ITGA11: variants seen among roughly 807,000 people sequenced by gnomAD.
ITGA11 encodes the protein integrin alpha-11.
A neutral mutation model predicts 141.9 loss-of-function variants in ITGA11; 97 were observed. The observed-to-expected ratio is 0.68, with a 90% CI of 0.58 to 0.81. The LOEUF (loss-of-function observed/expected upper bound fraction) is 0.81. Ranked by LOEUF, ITGA11 falls within the 30% of genes least tolerant of loss-of-function variation. The pLI, the probability that ITGA11 is intolerant of heterozygous loss-of-function variation, is 0.00. For synonymous variants in ITGA11, 658 were observed against 624.6 expected, an observed-to-expected ratio of 1.05 and a Z score of -0.80; for missense variants, 1,387 against 1,559.2, an observed-to-expected ratio of 0.89 and a Z score of 1.86.
chr15:68,429,568 G>T (rs2140447963), intron 1 of ITGA11, among the ~76,000 whole-genome samples: 1 of 152,202 alleles, frequency 6.6e-6, no homozygotes. Flanking sequence ...CCTCAACTTG[G>T]CCTCTGACAG....
chr15:68,369,341 A>G, intron 2 of ITGA11, 57 bp from the exon 3 acceptor site: 1 of 867,846 alleles, frequency 1.2e-6, no homozygotes, highest in Non-Finnish European at 1.6e-6. Flanking sequence ...TTCCTGGCAG[A>G]GGATGGAGCC....
Position 68,300,423 on chromosome 15 carries a change from A to T in ITGA11, c.*2636T>A, listed in dbSNP as rs1158626564. On this transcript the variant is annotated 3_prime_UTR_variant, in exon 30 of 30. Transcript: ENST00000315757. ...CCCTCTCCCAACCAATGAAATTGGGATCCATAGTGGGTAGGGCCCTTGCAG... is the reference window on the plus strand; with the variant it reads ...CCCTCTCCCAACCAATGAAATTGGGTTCCATAGTGGGTAGGGCCCTTGCAG... 1.3e-5 allele frequency: 2 copies of T among 152,238 alleles called. No homozygotes were observed. The highest frequency in any genetic ancestry group is 2.4e-5 in the African/African-American group (1 of 41,454). The allele number at this position is 152,238 out of a possible 1,614,324, so 9.4% of individuals were successfully genotyped here.
rs1894230958 is a variant in ITGA11 at position 68,333,135 on chromosome 15, C to T, written c.1426-657G>A. ...TTTTTTTTGAGGCAAGGTTTTGCTC[C>T]ATCACCCAGACTGGAGTGCAATGGT... is the stretch of plus-strand genomic sequence containing the variant. On this transcript the variant is annotated intron_variant, in intron 12 of 29. Coordinates refer to ENST00000315757, the MANE Select transcript of ITGA11 (RefSeq NM_001004439.2). The surrounding 1 kb of genome is among the most constrained non-coding windows in gnomAD (Gnocchi z 4.2). Among the ~76,000 whole-genome samples, 1 of 149,886 alleles carries T rather than the reference C, an allele frequency of 6.7e-6. No homozygotes were observed. The highest frequency in any genetic ancestry group is 2.1e-4 in the South Asian group (1 of 4,760).
At chr15:68,390,949 G>A (rs1380092569) in intron 2 of ITGA11, among the ~76,000 whole-genome samples, 1 of 152,164 alleles carries the variant, frequency 6.6e-6, no homozygotes, top group Non-Finnish European at 1.5e-5. Flanking sequence ...TCCCACTGGG[G>A]TCATGCTTAA....
chr15:68,410,097 C>T (rs750474869), intron 1 of ITGA11, among the ~76,000 whole-genome samples: 2 of 152,244 alleles, frequency 1.3e-5, no homozygotes, highest in Non-Finnish European at 2.9e-5. Flanking sequence ...AAGTGGAACA[C>T]AGCAGACCTG....
At chr15:68,315,038 G>A (rs1893524144) in intron 22 of ITGA11, among the ~76,000 whole-genome samples, 1 of 152,188 alleles carries the variant, frequency 6.6e-6, no homozygotes, top group African/African-American at 2.4e-5. Flanking sequence ...CACATAGCAA[G>A]CTACCTCTGA....
At chr15:68,405,625 C>T (rs77858932) in intron 1 of ITGA11, among the ~76,000 whole-genome samples, 1 of 152,106 alleles carries the variant, frequency 6.6e-6, no homozygotes, top group African/African-American at 2.4e-5. Flanking sequence ...GACTCTGTTC[C>T]GGTGAGCACA....
intron 7 of ITGA11, 26 bp downstream of exon 7, chr15:68,357,124 AT>A (rs777017721): frequency 8.7e-6 from 14 of 1,601,028 alleles, no homozygotes; most frequent in Middle Eastern, 1.7e-4. Flanking sequence ...ATCTAAAAAA[AT>A]TTTTTTTGTT....
intron 1 of ITGA11, among the ~76,000 whole-genome samples, chr15:68,417,507 C>T (rs2140432197): frequency 6.6e-6 from 1 of 152,296 alleles, no homozygotes; most frequent in South Asian, 2.1e-4. Flanking sequence ...CAATTTTGCT[C>T]AGCTTCAAGC....
At chr15:68,337,390 T>C (rs1374348289) in intron 11 of ITGA11, among the ~76,000 whole-genome samples, 1 of 152,156 alleles carries the variant, frequency 6.6e-6, no homozygotes, top group East Asian at 1.9e-4. Flanking sequence ...CAGTGGAGGC[T>C]GGGAGCTGGC....
At chr15:68,369,344 A>T in intron 2 of ITGA11, 60 bp from the exon 3 acceptor site, 1 of 785,266 alleles carries the variant, frequency 1.3e-6, no homozygotes, top group Non-Finnish European at 1.8e-6. Flanking sequence ...CTGGCAGAGG[A>T]TGGAGCCTGG....
chr15:68,399,104 C>T (rs1276796890), intron 2 of ITGA11, among the ~76,000 whole-genome samples: 1 of 151,844 alleles, frequency 6.6e-6, no homozygotes, highest in African/African-American at 2.4e-5. Flanking sequence ...CATAAAGGAT[C>T]TATCATAGCT....
intron 23 of ITGA11, 97 bp from the exon 24 acceptor site, chr15:68,312,960 C>G (rs189079076): frequency 2.4e-6 from 2 of 843,810 alleles, no homozygotes; most frequent in Non-Finnish European, 1.9e-6. Flanking sequence ...CGGCCTCCCC[C>G]GGGCCACGAA....
At chr15:68,380,090 A>AG in intron 2 of ITGA11, among the ~76,000 whole-genome samples, 1 of 152,204 alleles carries the variant, frequency 6.6e-6, no homozygotes, top group African/African-American at 2.4e-5. Context: ...AGACTGGGGA[A>AG]GAAAGCAAGG....
In ITGA11 at chr15:68,302,461, T is replaced by G. The variant is rs975127263; in HGVS notation, c.*598A>C. The G allele has an allele frequency of 1.3e-5, 2 of 152,480 alleles. No individual in the cohort carries two copies. Among genetic ancestry groups the G allele is most frequent in the East Asian group, 3.9e-4 (2 of 5,180 alleles). 9.4% of individuals were successfully genotyped at this position (152,480 alleles called of 1,614,324 possible). A position where few individuals can be genotyped will look rare whatever the true frequency, so the allele number is the denominator to read the frequency against. On this transcript the variant is annotated 3_prime_UTR_variant, in exon 30 of 30. Transcript: ENST00000315757. ...GGCCATCAGTCTCCACATCTCAGAG[T>G]CTTTCTTCATCCCTGGCTTGCAGCT...
At chr15:68,401,378 T>C (rs950175161) in intron 2 of ITGA11, among the ~76,000 whole-genome samples, 1 of 152,092 alleles carries the variant, frequency 6.6e-6, no homozygotes, top group African/African-American at 2.4e-5. Flanking sequence ...TACAAGTGAA[T>C]ACATATGCCC....
At chr15:68,320,424 G>T in intron 19 of ITGA11, 32 bp from the exon 20 acceptor site, 1 of 1,541,364 alleles carries the variant, frequency 6.5e-7, no homozygotes, top group Admixed American at 1.9e-5. Context: ...AGACTGGGCA[G>T]ATGGAATGAG....
chr15:68,304,068 A>G lies in ITGA11; in HGVS notation c.3382-183T>C, dbSNP rs1320121397. ...AGGCCTCAGGACGACCACTGCCTGA[A>G]CAGCCGACACTGGGTTCAGTGGCCC... On this transcript the variant is annotated intron_variant, in intron 28 of 29. Transcript: ENST00000315757. The surrounding 1 kb of genome is among the most constrained non-coding windows in gnomAD (Gnocchi z 6.1). 6.6e-6 allele frequency among the ~76,000 whole-genome samples: 1 copy of G among 152,090 alleles called. No homozygotes were observed. Among genetic ancestry groups the G allele is most frequent in the Admixed American group, 6.5e-5 (1 of 15,272 alleles).
At chr15:68,369,620 A>G (rs1472354329) in intron 2 of ITGA11, among the ~76,000 whole-genome samples, 1 of 152,212 alleles carries the variant, frequency 6.6e-6, no homozygotes, top group African/African-American at 2.4e-5. Flanking sequence ...AGGGATGAAT[A>G]TGAGTTTGTC....
Sources: allele counts gnomAD v4.1 joint callset (sites outside exome capture counted in the v4.1 genomes callset), GRCh38; gene constraint gnomAD v4.1.1; non-coding constraint Gnocchi (gnomAD v3.1); transcripts MANE v1.5; gene names NCBI Gene and HGNC (gene_info 2026-07-23, HGNC 2026-07-21).